Variants in PAGE1 observed in about 807,000 individuals in gnomAD.
PAGE1 encodes P antigen family member 1.
PAGE1 carries 6 observed loss-of-function variants against 11.5 expected under a neutral mutation model. The ratio of observed to expected loss-of-function variants is 0.52; its 90% CI spans 0.29 to 1.03. PAGE1 has a LOEUF of 1.03. Ranked by LOEUF, PAGE1 falls within the 50% of genes least tolerant of loss-of-function variation. PAGE1 has a pLI of 0.09. For missense variants in PAGE1, 120 were observed against 110.2 expected, an observed-to-expected ratio of 1.09 and a Z score of -0.40; for synonymous variants, 42 against 40.2, an observed-to-expected ratio of 1.05 and a Z score of -0.17.
chrX:49,687,514 G>A lies in PAGE1; in HGVS notation c.*27C>T, dbSNP rs1234927262. On this transcript the variant is annotated 3_prime_UTR_variant, in exon 6 of 6. Transcript: ENST00000376150. ...TGGTCAAATTTCCAACACAGGAGCA[G>A]CCTGAACCATTTCAGCGTGTCTTCT... is the stretch of plus-strand genomic sequence containing the variant. The A allele has an allele frequency of 5.8e-5, 69 of 1,195,734 alleles. No homozygotes were observed. Among genetic ancestry groups the A allele is most frequent in the Non-Finnish European group, 7.7e-5 (68 of 882,985 alleles).
At chrX:49,694,596 A>G in intron 2 of PAGE1, 112 bp downstream of exon 2, 1 of 432,121 alleles carries the variant, frequency 2.3e-6, no homozygotes, top group South Asian at 6.1e-5. Flanking sequence ...AGCATGAACT[A>G]CCTTTATTAG....
At chrX:49,694,233 A>C in intron 2 of PAGE1, 32 bp from the exon 3 acceptor site, 1 of 881,583 alleles carries the variant, frequency 1.1e-6, no homozygotes, top group Non-Finnish European at 1.6e-6. Context: ...GTGAGTGTGC[A>C]AAGACAAAAA....
intron 2 of PAGE1, 127 bp downstream of exon 2, chrX:49,694,581 T>TA (rs2066933908): frequency 4.8e-6 from 2 of 415,525 alleles, no homozygotes; most frequent in South Asian, 6.9e-5. Flanking sequence ...CTTATTTTTT[T>TA]AATCAGCATG....
rs1488605402 is a variant in PAGE1 at position 49,689,483 on chromosome X, C to T, written c.353G>A (p.Gly118Glu). ...CAACTCCTGGACATCAGGACCATCT[C>T]CGCGCTCACACCCAGTCTTCGGGTG... ...QVHPKTGCERGDGPDVQELGL... is the reference protein window; with the variant it reads ...QVHPKTGCEREDGPDVQELGL... Residue 118 changes from glycine (G) to glutamate (E), a missense_variant, in exon 5 of 6, where the codon GGA (glycine) becomes GAA (glutamate). Transcript: ENST00000376150. 5 of 1,039,893 alleles carry T rather than the reference C, an allele frequency of 4.8e-6. No homozygotes were observed. The highest frequency in any genetic ancestry group is 5.8e-5 in the Admixed American group (2 of 34,593). 85.7% of individuals were successfully genotyped at this position (1,039,893 alleles called of 1,213,427 possible). A position where few individuals can be genotyped will look rare whatever the true frequency, so the allele number is the denominator to read the frequency against.
In PAGE1 at chrX:49,691,254, G is replaced by T. The variant is rs1261045035; in HGVS notation, c.287C>A (p.Ala96Glu). ...ATGCTTAATGGACTACCTACCTTCT[G>T]CGGGCAGTTTCATCTGCTCTTCATT... is the stretch of plus-strand genomic sequence containing the variant. ...LRNEEQMKLP[A>E]EGPEPEADSQ... Residue 96 changes from alanine (A) to glutamate (E), a missense_variant, in exon 4 of 6, where the codon GCA becomes GAA. Ala to Glu is a moderately radical substitution (Grantham distance 107). Coordinates refer to ENST00000376150, the MANE Select transcript of PAGE1 (RefSeq NM_003785.4). 1 of 1,209,716 alleles carries T rather than the reference G, an allele frequency of 8.3e-7. No individual in the cohort carries two copies. Among genetic ancestry groups the T allele is most frequent in the Non-Finnish European group, 1.1e-6 (1 of 894,372 alleles).
chrX:49,689,814 A>G (rs2066906198), intron 4 of PAGE1, among the ~76,000 whole-genome samples: 1 of 61,973 alleles, frequency 1.6e-5, no homozygotes, highest in African/African-American at 7.8e-5. Flanking sequence ...ATGTGTATAT[A>G]CACACATATA....
intron 4 of PAGE1, 132 bp from the exon 5 acceptor site, chrX:49,689,675 T>C: frequency 1.2e-5 from 1 of 85,852 alleles, no homozygotes; most frequent in Non-Finnish European, 1.9e-5. Context: ...TACATATACA[T>C]ATATGTGTGT....
chrX:49,691,540 A>C (rs1219977316), intron 3 of PAGE1, among the ~76,000 whole-genome samples, 166 bp from the exon 4 acceptor site: 4 of 112,287 alleles, frequency 3.6e-5, no homozygotes, highest in African/African-American at 1.3e-4. Context: ...TGTTGGCAGA[A>C]GACAGGAAAA....
intron 4 of PAGE1, among the ~76,000 whole-genome samples, chrX:49,690,088 T>C (rs868955707): frequency 3.8e-5 from 2 of 52,687 alleles, no homozygotes; most frequent in African/African-American, 1.5e-4. Context: ...TGTGTATATA[T>C]GTGTATATAT....
intron 3 of PAGE1, among the ~76,000 whole-genome samples, chrX:49,693,807 A>C (rs2066929438): frequency 9.0e-6 from 1 of 111,255 alleles, no homozygotes; most frequent in African/African-American, 3.3e-5. Context: ...AACAAAACAC[A>C]AATTTTGTAT....
At chrX:49,689,280 C>A in intron 5 of PAGE1, 138 bp downstream of exon 5, 1 of 647,040 alleles carries the variant, frequency 1.5e-6, no homozygotes, top group Non-Finnish European at 2.0e-6. Flanking sequence ...GGCAGAAGCT[C>A]CAGTGAGCCG....
At chrX:49,692,741 A>G (rs2066925145) in intron 3 of PAGE1, among the ~76,000 whole-genome samples, 1 of 110,794 alleles carries the variant, frequency 9.0e-6, no homozygotes, top group Admixed American at 9.7e-5. Context: ...AGCAGCTAAG[A>G]ACAAACTTTA....
intron 4 of PAGE1, among the ~76,000 whole-genome samples, chrX:49,690,783 G>C (rs2066917170): frequency 9.0e-6 from 1 of 110,604 alleles, no homozygotes. Context: ...CCAACATTTT[G>C]GGATGCCAAG....
chrX:49,690,491 A>G (rs1230382481), intron 4 of PAGE1, among the ~76,000 whole-genome samples: 5 of 110,605 alleles, frequency 4.5e-5, no homozygotes, highest in East Asian at 2.8e-4. Flanking sequence ...CCTACATGGC[A>G]TGAGTAGCCA....
At chrX:49,689,024 A>G (rs944659294) in intron 5 of PAGE1, among the ~76,000 whole-genome samples, 1 of 111,696 alleles carries the variant, frequency 9.0e-6, no homozygotes, top group East Asian at 2.8e-4. Flanking sequence ...AGGAGGCAGT[A>G]TTGTTACCCC....
At chrX:49,693,131 C>T (rs189872901) in intron 3 of PAGE1, among the ~76,000 whole-genome samples, 10 of 111,652 alleles carry the variant, frequency 9.0e-5, no homozygotes, top group Non-Finnish European at 1.5e-4. Flanking sequence ...CTTACAGTCA[C>T]GACACCCATT....
chrX:49,689,795 T>C (rs1407327823), intron 4 of PAGE1, among the ~76,000 whole-genome samples: 1 of 60,874 alleles, frequency 1.6e-5, no homozygotes, highest in African/African-American at 7.9e-5. Context: ...CACATATATA[T>C]GTATATATAT....
chrX:49,692,016 C>T (rs1216530872), intron 3 of PAGE1, among the ~76,000 whole-genome samples: 1 of 110,364 alleles, frequency 9.1e-6, no homozygotes, highest in African/African-American at 3.3e-5. Flanking sequence ...GTGCGGTGGC[C>T]ATTGCCTGTA....
At chrX:49,689,619 C>T (rs75264490) in intron 4 of PAGE1, 76 bp from the exon 5 acceptor site, 17 of 65,706 alleles carry the variant, frequency 2.6e-4, no homozygotes, top group Admixed American at 5.5e-4. Flanking sequence ...TATACATATA[C>T]ATATATATAT....
Sources: allele counts gnomAD v4.1 joint callset (sites outside exome capture counted in the v4.1 genomes callset), GRCh38; gene constraint gnomAD v4.1.1; transcripts MANE v1.5; gene names NCBI Gene and HGNC (gene_info 2026-07-23, HGNC 2026-07-21).